Variants in KLF11 observed in about 807,000 individuals in gnomAD.
The protein encoded by KLF11 is KLF transcription factor 11.
KLF11 carries 26 observed loss-of-function variants against 29.9 expected under a neutral mutation model. That is an observed-to-expected ratio of 0.87 (90% confidence interval 0.64 to 1.21). The LOEUF is 1.21. Ranked by LOEUF, KLF11 falls within the 50% of genes most tolerant of loss-of-function variation. KLF11 has a pLI of 0.00. For synonymous variants in KLF11, 318 were observed against 257.4 expected, an observed-to-expected ratio of 1.24 and a Z score of -2.25; for missense variants, 778 against 665.7, an observed-to-expected ratio of 1.17 and a Z score of -1.86.
At chr2:10,044,008 G>T (rs1016072225) in intron 1 of KLF11, 3 of 754,692 alleles carry the variant, frequency 4.0e-6, no homozygotes, top group Non-Finnish European at 4.9e-6. Flanking sequence ...CTTCCTGGGC[G>T]GCCCCGCCCC....
In KLF11 at chr2:10,052,264, T is replaced by TA; in HGVS notation, c.1301dup (p.Phe435ValfsTer6). ...TCAACTGCAGCTGGGATGGCTGTGA[T>TA]AAAAAGTTTGCTCGTTCGGATGAGC... On this transcript the variant is annotated frameshift_variant, in exon 4 of 4. Coordinates refer to ENST00000305883, the MANE Select transcript of KLF11 (RefSeq NM_003597.5). LOFTEE classifies it high-confidence loss of function. 6.2e-7 allele frequency: 1 copy of TA among 1,614,194 alleles called. No individual in the cohort carries two copies. Among genetic ancestry groups the TA allele is most frequent in the East Asian group, 2.2e-5 (1 of 44,890 alleles).
Position 10,052,593 on chromosome 2 carries a change from C to T in KLF11, c.*86C>T. ...GATGGATTCCTCTCCCACTGCCTCA[C>T]CCAAAAAAAACGGTCTTGGCGGCCT... On this transcript the variant is annotated 3_prime_UTR_variant, in exon 4 of 4. Transcript: ENST00000305883. 1 of 1,461,478 alleles carries T rather than the reference C, an allele frequency of 6.8e-7. No individual in the cohort carries two copies. The highest frequency in any genetic ancestry group is 1.2e-5 in the South Asian group (1 of 82,910). 90.5% of individuals were successfully genotyped at this position (1,461,478 alleles called of 1,614,324 possible). A position where few individuals can be genotyped will look rare whatever the true frequency, so the allele number is the denominator to read the frequency against.
In KLF11 at chr2:10,048,370, C is replaced by A. The variant is rs1211500722; in HGVS notation, c.1033C>A (p.Gln345Lys). The change falls in exon 3 of 4, where the codon CAG becomes AAG. Residue 345 changes from glutamine (Q) to lysine (K), a missense_variant. Transcript: ENST00000305883. ...PQGAVMLVLPQGALPPPAPCA... is the reference protein window; with the variant it reads ...PQGAVMLVLPKGALPPPAPCA... Reference sequence around the variant, plus strand: ...GGGAGCTGTGATGTTGGTCCTGCCCCAGGGAGCCCTCCCTCCGCCTGCCCC... The same window carrying A: ...GGGAGCTGTGATGTTGGTCCTGCCCAAGGGAGCCCTCCCTCCGCCTGCCCC... 1 of 1,612,216 alleles carries A rather than the reference C, an allele frequency of 6.2e-7. No individual in the cohort carries two copies. Among genetic ancestry groups the A allele is most frequent in the Non-Finnish European group, 8.5e-7 (1 of 1,178,610 alleles).
At chr2:10,046,060 A>G in intron 1 of KLF11, 90 bp from the exon 2 acceptor site, 1 of 1,452,856 alleles carries the variant, frequency 6.9e-7, no homozygotes, top group Non-Finnish European at 9.7e-7. Context: ...TGCCTACTGT[A>G]GGCTTCTGAT....
chr2:10,051,775 C>A (rs1220877057), intron 3 of KLF11, among the ~76,000 whole-genome samples: 2 of 152,106 alleles, frequency 1.3e-5, no homozygotes, highest in African/African-American at 4.8e-5. Flanking sequence ...CCTCGGCCTC[C>A]CAAAGTGCTT....
rs371202523 is a variant in KLF11 at position 10,050,539 on chromosome 2, G to A, written c.1259-1688G>A. ...ATCCTGGCCAACATGGTGAAACCCC[G>A]TCTCTACTAAAAATACAAAAATAGT... On this transcript the variant is annotated intron_variant, in intron 3 of 3. Coordinates refer to ENST00000305883, the MANE Select transcript of KLF11 (RefSeq NM_003597.5). Among the ~76,000 whole-genome samples the A allele has an allele frequency of 1.1e-4, 17 of 151,860 alleles. No homozygotes were observed. The South Asian group carries it at 1.5e-3, about 13-fold the overall frequency.
intron 1 of KLF11, among the ~76,000 whole-genome samples, chr2:10,044,815 C>G (rs1236949584): frequency 1.3e-5 from 2 of 152,068 alleles, no homozygotes; most frequent in African/African-American, 4.8e-5. Flanking sequence ...AAGAGATCAG[C>G]TCATTCCAGC....
At chr2:10,051,329 C>G (rs2125282130) in intron 3 of KLF11, among the ~76,000 whole-genome samples, 1 of 152,238 alleles carries the variant, frequency 6.6e-6, no homozygotes, top group South Asian at 2.1e-4. Context: ...CTGCCTCAGT[C>G]TCCGGAATAG....
At position 10,044,006 on chromosome 2, in the gene KLF11, GCGGCC is replaced by G. The variant is rs1006073700; in HGVS notation, c.42+250_42+254del. 253 of 770,582 alleles carry G rather than the reference GCGGCC, an allele frequency of 3.3e-4. 1 individual carries two copies. The highest frequency in any genetic ancestry group is 1.3e-3 in the Middle Eastern group (2 of 1,520). The allele number at this position is 770,582 out of a possible 1,614,324, so 47.7% of individuals were successfully genotyped here. On this transcript the variant is annotated intron_variant, in intron 1 of 3. Transcript: ENST00000305883. ...CGCAGCTTTGTCTTGCGCTTCCTGG[GCGGCC>G]CCGCCCCGCTGGCCCCGCGGCTATT...
intron 2 of KLF11, 79 bp from the exon 3 acceptor site, chr2:10,047,571 A>G (rs970472865): frequency 2.5e-6 from 3 of 1,190,810 alleles, no homozygotes; most frequent in Admixed American, 3.6e-5. Context: ...TTCTGTGTAA[A>G]GGTATTGGGA....
At chr2:10,052,133 T>C (rs765679173) in intron 3 of KLF11, 94 bp from the exon 4 acceptor site, 3 of 1,308,308 alleles carry the variant, frequency 2.3e-6, no homozygotes, top group Non-Finnish European at 3.3e-6. Flanking sequence ...CTTCTGAGTT[T>C]GATGAACACG....
chr2:10,044,620 G>C (rs1006673223), intron 1 of KLF11, among the ~76,000 whole-genome samples: 1 of 151,100 alleles, frequency 6.6e-6, no homozygotes, highest in Non-Finnish European at 1.5e-5. Flanking sequence ...GAGGAAACGT[G>C]TATCTTCGTA....
chr2:10,049,007 G>A (rs1429871633), intron 3 of KLF11, among the ~76,000 whole-genome samples: 1 of 150,888 alleles, frequency 6.6e-6, no homozygotes, highest in Non-Finnish European at 1.5e-5. Flanking sequence ...GAAAAGGTCT[G>A]GCCAAACTAT....
At chr2:10,044,962 A>G (rs1356110431) in intron 1 of KLF11, among the ~76,000 whole-genome samples, 2 of 152,098 alleles carry the variant, frequency 1.3e-5, no homozygotes, top group Non-Finnish European at 2.9e-5. Context: ...CTTGACCAAC[A>G]TGGGGAAAAC....
chr2:10,044,269 G>C (rs1572434552), intron 1 of KLF11: 2 of 980,990 alleles, frequency 2.0e-6, no homozygotes, highest in Non-Finnish European at 2.4e-6. Context: ...GACGGGAGGC[G>C]GGAGCGCCGC....
At chr2:10,046,603 T>TC (rs1661212177) in intron 2 of KLF11, among the ~76,000 whole-genome samples, 184 bp downstream of exon 2, 1 of 152,204 alleles carries the variant, frequency 6.6e-6, no homozygotes, top group South Asian at 2.1e-4. Context: ...AAGCCTGTAA[T>TC]CCCAGCACTT....
intron 3 of KLF11, among the ~76,000 whole-genome samples, chr2:10,049,158 A>G (rs1008723451): frequency 2.0e-5 from 3 of 152,178 alleles, no homozygotes; most frequent in Admixed American, 6.5e-5. Flanking sequence ...TCTGTCCAAT[A>G]TAATTTTTTG....
In KLF11 at chr2:10,052,427, G is replaced by A; in HGVS notation, c.1459G>A (p.Ala487Thr). ...MTTKKIPGWQ[A>T]EVGKLNRIAS... ...GACCAAGAAGATCCCAGGCTGGCAG[G>A]CAGAGGTTGGCAAGCTGAACAGAAT... The change falls in exon 4 of 4, where the codon GCA (alanine) becomes ACA (threonine). Residue 487 changes from alanine to threonine, a missense_variant. Ala to Thr is a moderately conservative substitution (Grantham distance 58). Transcript: ENST00000305883. 6.2e-7 allele frequency: 1 copy of A among 1,614,168 alleles called. No individual in the cohort carries two copies. Among genetic ancestry groups the A allele is most frequent in the Non-Finnish European group, 8.5e-7 (1 of 1,180,026 alleles).
At position 10,048,057 on chromosome 2, in the gene KLF11, C is replaced by A. The variant is rs1412965482; in HGVS notation, c.720C>A (p.Gly240=). 1 of 1,614,090 alleles carries A rather than the reference C, an allele frequency of 6.2e-7. No homozygotes were observed. The highest frequency in any genetic ancestry group is 8.5e-7 in the Non-Finnish European group (1 of 1,180,052). ...SCQPCLHKSG[G]LLLTDKGQQA... is the part of the protein sequence containing the mutation. Reference sequence around the variant, plus strand: ...AGCCCTGCTTGCACAAGTCTGGTGGCCTGCTGCTCACTGACAAAGGCCAGC... The same window carrying A: ...AGCCCTGCTTGCACAAGTCTGGTGGACTGCTGCTCACTGACAAAGGCCAGC... Residue 240 remains glycine (G), a synonymous_variant, in exon 3 of 4, where the codon GGC becomes GGA. Transcript: ENST00000305883.
Sources: gnomAD v4.1 joint callset for allele counts (sites outside exome capture counted in the v4.1 genomes callset) on GRCh38, gnomAD v4.1.1 for gene constraint, MANE v1.5 for transcripts, NCBI Gene and HGNC (gene_info 2026-07-23, HGNC 2026-07-21) for gene names.